SLC25A29: variants seen among roughly 807,000 people sequenced by gnomAD.
SLC25A29 encodes mitochondrial basic amino acids transporter.
Under a neutral mutation model 10.0 loss-of-function variants are expected in SLC25A29, and 13 were observed. The ratio of observed to expected loss-of-function variants is 1.30; its 90% CI spans 0.85 to 2.07. The LOEUF (loss-of-function observed/expected upper bound fraction) is 2.07. Among genes scored for constraint, SLC25A29 ranks in the 30% most tolerant of loss-of-function variants. The pLI, the probability that SLC25A29 is intolerant of heterozygous loss-of-function variation, is 0.00. For synonymous variants in SLC25A29, 244 were observed against 221.1 expected (o/e 1.10, Z -0.92); for missense variants, 475 against 447.6 (o/e 1.06, Z -0.55).
the SLC25A29 span, chr14:100,280,506 A>G: frequency 6.6e-6 from 1 of 152,104 alleles, no homozygotes; most frequent in Non-Finnish European, 1.5e-5. Context: ...CCAGAGTGAC[A>G]TTTATTTTCC....
At chr14:100,289,448 C>T (rs951804164), downstream of SLC25A29, among the ~76,000 whole-genome samples, 1 of 152,182 alleles carries the variant, frequency 6.6e-6, no homozygotes, top group Admixed American at 6.5e-5. Flanking sequence ...GAGAGGCTGG[C>T]CCCTGGGAGG....
At chr14:100,279,574 G>A in the SLC25A29 span, 3 of 152,268 alleles carry the variant, frequency 2.0e-5, no homozygotes, top group Admixed American at 6.5e-5. Flanking sequence ...TGCTGTATCT[G>A]GCAGTCAGGA....
the SLC25A29 span, chr14:100,281,836 C>T: frequency 6.6e-6 from 1 of 152,164 alleles, no homozygotes. Context: ...TCACGTCAGG[C>T]AAGAGAGGGC....
intron 1 of SLC25A29, among the ~76,000 whole-genome samples, chr14:100,304,096 C>T (rs1481630196): frequency 6.6e-6 from 1 of 152,142 alleles, no homozygotes; most frequent in Non-Finnish European, 1.5e-5. Context: ...CCACACTAGG[C>T]GAATAGTAGG....
In SLC25A29 at chr14:100,291,876, T is replaced by A. The variant is rs546576670; in HGVS notation, c.*407A>T. ...GAGGATGTGTGGAGTTAGAGGTCCC[T>A]GGGTGGCCCCTTGGTTGGCCATCAG... is the stretch of plus-strand genomic sequence containing the variant. On this transcript the variant is annotated 3_prime_UTR_variant, in exon 4 of 4. Coordinates refer to ENST00000359232, the MANE Select transcript of SLC25A29 (RefSeq NM_001039355.3). 4 of 273,866 alleles carry A rather than the reference T, an allele frequency of 1.5e-5. No individual in the cohort carries two copies. In the Admixed American group the frequency reaches 2.1e-4, roughly 15 times the overall value. 17.0% of individuals were successfully genotyped at this position (273,866 alleles called of 1,614,324 possible). A position where few individuals can be genotyped will look rare whatever the true frequency, so the allele number is the denominator to read the frequency against.
chr14:100,286,506 G>A (rs182574300), downstream of SLC25A29, among the ~76,000 whole-genome samples: 15 of 150,758 alleles, frequency 9.9e-5, 2 homozygotes, highest in African/African-American at 3.4e-4. Context: ...GGGCGCTGGT[G>A]GGGGCGTCTG....
At chr14:100,289,697 G>T (rs73353546), downstream of SLC25A29, among the ~76,000 whole-genome samples, 1 of 151,906 alleles carries the variant, frequency 6.6e-6, no homozygotes, top group East Asian at 1.9e-4. Context: ...AGAAACATTT[G>T]CCAGGTGTGG....
At chr14:100,296,845 G>A (rs1195540043) in intron 2 of SLC25A29, among the ~76,000 whole-genome samples, 2 of 152,092 alleles carry the variant, frequency 1.3e-5, no homozygotes, top group South Asian at 2.1e-4. Context: ...TGATCCGCCC[G>A]CCTCAGCCTC....
At chr14:100,287,628 A>ACCCCCC (rs1171229559), downstream of SLC25A29, among the ~76,000 whole-genome samples, 23 of 62,208 alleles carry the variant, frequency 3.7e-4, 2 homozygotes, top group African/African-American at 8.4e-4. Context: ...CTGGAGCACC[A>ACCCCCC]CCCCCCCCCT....
chr14:100,285,043 G>GC, the SLC25A29 span, among the ~76,000 whole-genome samples: 22 of 138,960 alleles, frequency 1.6e-4, no homozygotes, highest in African/African-American at 5.9e-4. Context: ...GTCTAAAAAA[G>GC]CGGGGGGGGG....
At chr14:100,297,872 C>G (rs1161898182) in intron 2 of SLC25A29, 1 of 152,332 alleles carries the variant, frequency 6.6e-6, no homozygotes, top group Non-Finnish European at 1.5e-5. Context: ...TGCCCAAGGT[C>G]ATGCAGAAAA....
At position 100,292,365 on chromosome 14, in the gene SLC25A29, C is replaced by T; in HGVS notation, c.830G>A (p.Arg277His). ...ATVTVVLTYA[R>H]GEEAGPEGEA... Reference sequence around the variant, plus strand: ...GCCCTCGGGCCCGGCCTCCTCGCCGCGCGCGTAGGTGAGCACCACCGTGAC... The same window carrying T: ...GCCCTCGGGCCCGGCCTCCTCGCCGTGCGCGTAGGTGAGCACCACCGTGAC... Residue 277 changes from arginine to histidine, a missense_variant, in exon 4 of 4, where the codon CGC becomes CAC. By Grantham distance (29) the Arg-to-His change is conservative. Coordinates refer to ENST00000359232, the MANE Select transcript of SLC25A29 (RefSeq NM_001039355.3). The T allele has an allele frequency of 1.3e-6, 2 of 1,514,572 alleles. No homozygotes were observed. Among genetic ancestry groups the T allele is most frequent in the East Asian group, 4.9e-5 (2 of 41,002 alleles). 93.8% of individuals were successfully genotyped at this position (1,514,572 alleles called of 1,614,324 possible). A position where few individuals can be genotyped will look rare whatever the true frequency, so the allele number is the denominator to read the frequency against.
the SLC25A29 span, chr14:100,279,813 G>A: frequency 6.6e-6 from 1 of 152,324 alleles, no homozygotes. Flanking sequence ...TCAGGACCCT[G>A]CCCAAGGGCC....
chr14:100,288,198 G>A (rs1489443994), downstream of SLC25A29, among the ~76,000 whole-genome samples: 1 of 151,778 alleles, frequency 6.6e-6, no homozygotes, highest in Non-Finnish European at 1.5e-5. Context: ...CCTGGCCAAC[G>A]TGGTGAAACC....
At chr14:100,279,172 CTT>C in the SLC25A29 span, 2 of 152,186 alleles carry the variant, frequency 1.3e-5, no homozygotes, top group African/African-American at 2.4e-5. Flanking sequence ...CTTGAGAATA[CTT>C]TATAAACTGC....
At chr14:100,304,120 C>T (rs571108706) in intron 1 of SLC25A29, among the ~76,000 whole-genome samples, 1 of 152,272 alleles carries the variant, frequency 6.6e-6, no homozygotes, top group South Asian at 2.1e-4. Context: ...TGGACAGTCC[C>T]CCTCCCCAGC....
chr14:100,287,641 G>A (rs1396789956), downstream of SLC25A29, among the ~76,000 whole-genome samples: 1 of 40,518 alleles, frequency 2.5e-5, no homozygotes, highest in African/African-American at 9.5e-5. Flanking sequence ...CCCCCCCTCC[G>A]AATTCCTGGC....
intron 1 of SLC25A29, chr14:100,305,272 A>AG (rs1300022982): frequency 6.6e-6 from 1 of 151,966 alleles, no homozygotes; most frequent in Non-Finnish European, 1.5e-5. Flanking sequence ...CCGGGAGCTG[A>AG]GGGTTTATTC....
At chr14:100,297,024 T>C (rs1485907416) in intron 2 of SLC25A29, among the ~76,000 whole-genome samples, 2 of 152,086 alleles carry the variant, frequency 1.3e-5, no homozygotes, top group East Asian at 3.9e-4. Context: ...GGAGAATCAC[T>C]TGAACCCAGG....
Sources: gnomAD v4.1 joint callset for allele counts (sites outside exome capture counted in the v4.1 genomes callset) on GRCh38, gnomAD v4.1.1 for gene constraint, MANE v1.5 for transcripts, NCBI Gene and HGNC (gene_info 2026-07-23, HGNC 2026-07-21) for gene names.